The following CPNE4 variants were observed in gnomAD, a reference collection of about 807,000 sequenced individuals.
CPNE4 encodes the protein copine-4.
A neutral mutation model predicts 67.9 loss-of-function variants in CPNE4; 25 were observed. The observed-to-expected ratio is 0.37, with a 90% CI of 0.27 to 0.51. The LOEUF (loss-of-function observed/expected upper bound fraction) is 0.51. CPNE4 is among the 20% of genes least tolerant of loss of function. CPNE4 has a pLI of 0.93. For synonymous variants in CPNE4, 242 were observed against 244.9 expected, an observed-to-expected ratio of 0.99 and a Z score of 0.11; for missense variants, 464 against 690.8, an observed-to-expected ratio of 0.67 and a Z score of 3.68.
intron 9 of CPNE4, among the ~76,000 whole-genome samples, chr3:131,580,235 G>A (rs1040307640): frequency 3.9e-5 from 6 of 152,108 alleles, no homozygotes; most frequent in South Asian, 4.2e-4. Context: ...ATTAAAGTAC[G>A]TACATTTTTA....
intron 1 of CPNE4, among the ~76,000 whole-genome samples, chr3:131,979,718 A>T (rs1309202859): frequency 6.6e-6 from 1 of 151,770 alleles, no homozygotes; most frequent in Non-Finnish European, 1.5e-5. Flanking sequence ...CATTGCATTC[A>T]TCATGCTGTT....
intron 2 of CPNE4, among the ~76,000 whole-genome samples, chr3:131,875,061 A>T (rs755795560): frequency 1.3e-5 from 2 of 152,202 alleles, no homozygotes; most frequent in African/African-American, 2.4e-5. Flanking sequence ...CAAACCAGAG[A>T]TCTGTAGGCT....
intron 2 of CPNE4, among the ~76,000 whole-genome samples, chr3:131,843,027 C>T (rs1452233402): frequency 6.6e-6 from 1 of 152,180 alleles, no homozygotes; most frequent in East Asian, 1.9e-4. Context: ...GCAAGGGTAC[C>T]TTGGGTTGGG....
intron 3 of CPNE4, among the ~76,000 whole-genome samples, chr3:131,700,715 A>T (rs11715785): frequency 0.12 from 18,800 of 152,170 alleles, 1,267 homozygotes; most frequent in African/African-American, 0.16. Context: ...AACTAGAAAT[A>T]CCATTTGACC....
chr3:131,644,479 A>T (rs185526158), intron 7 of CPNE4, among the ~76,000 whole-genome samples: 13 of 152,318 alleles, frequency 8.5e-5, no homozygotes, highest in Admixed American at 2.0e-4. Flanking sequence ...TTCCCATGTG[A>T]TGCTGACACT....
intron 7 of CPNE4, among the ~76,000 whole-genome samples, chr3:131,626,907 CT>C (rs2079087160): frequency 6.6e-6 from 1 of 152,066 alleles, no homozygotes; most frequent in African/African-American, 2.4e-5. Flanking sequence ...AAAAGTTATG[CT>C]AAATTGCTGG....
At chr3:131,834,607 T>C (rs1383399966) in intron 2 of CPNE4, among the ~76,000 whole-genome samples, 1 of 152,000 alleles carries the variant, frequency 6.6e-6, no homozygotes, top group Non-Finnish European at 1.5e-5. Context: ...ACCACAACTT[T>C]TCACAAAAAA....
intron 1 of CPNE4, among the ~76,000 whole-genome samples, chr3:132,025,910 G>C (rs935232055): frequency 2.0e-5 from 3 of 152,164 alleles, no homozygotes; most frequent in Admixed American, 1.3e-4. Flanking sequence ...CATTTGAGGT[G>C]AGGACTGTGA....
Position 131,907,196 on chromosome 3 carries a change from A to C in CPNE4, c.-1-1752T>G, listed in dbSNP as rs188065880. Among the ~76,000 whole-genome samples the C allele has an allele frequency of 9.5e-4, 145 of 152,248 alleles. 1 individual carries two copies. Among genetic ancestry groups the C allele is most frequent in the Non-Finnish European group, 2.5e-4 (17 of 67,996 alleles). On this transcript the variant is annotated intron_variant, in intron 1 of 15. Coordinates refer to ENST00000429747, the MANE Select transcript of CPNE4 (RefSeq NM_130808.3). Reference sequence around the variant, plus strand: ...GGCCATCAGTGCTCTCCTTCTCTGAAGACGACTGAACGTATAAGATTCTCT... The same window carrying C: ...GGCCATCAGTGCTCTCCTTCTCTGACGACGACTGAACGTATAAGATTCTCT...
chr3:131,893,593 G>A (rs1036293363), intron 2 of CPNE4, among the ~76,000 whole-genome samples: 1 of 151,704 alleles, frequency 6.6e-6, no homozygotes, highest in Non-Finnish European at 1.5e-5. Context: ...CAAGCCTTAA[G>A]CATATAAAGA....
At chr3:131,854,123 A>G (rs999378661) in intron 2 of CPNE4, among the ~76,000 whole-genome samples, 1 of 151,956 alleles carries the variant, frequency 6.6e-6, no homozygotes. Flanking sequence ...CTAAAAACCG[A>G]TAATAGCACA....
intron 2 of CPNE4, among the ~76,000 whole-genome samples, chr3:131,751,099 A>C (rs895405308): frequency 6.6e-6 from 1 of 152,028 alleles, no homozygotes; most frequent in African/African-American, 2.4e-5. Flanking sequence ...TAGTTTTCAG[A>C]AGATTAATTA....
At chr3:131,968,423 C>T (rs2075429171) in intron 1 of CPNE4, among the ~76,000 whole-genome samples, 1 of 152,188 alleles carries the variant, frequency 6.6e-6, no homozygotes, top group Non-Finnish European at 1.5e-5. Flanking sequence ...GAACATGCAA[C>T]CTACAGAATG....
intron 1 of CPNE4, among the ~76,000 whole-genome samples, chr3:131,931,447 A>C (rs2071057940): frequency 6.6e-6 from 1 of 152,150 alleles, no homozygotes; most frequent in Non-Finnish European, 1.5e-5. Context: ...AATTGTCTTA[A>C]TAGTAAGCAT....
intron 1 of CPNE4, among the ~76,000 whole-genome samples, chr3:131,910,739 T>C (rs1169373599): frequency 6.6e-6 from 1 of 152,094 alleles, no homozygotes; most frequent in East Asian, 1.9e-4. Flanking sequence ...CAGTCAACAC[T>C]TGGAAGTCCT....
At chr3:131,926,368 C>T (rs533265670) in intron 1 of CPNE4, among the ~76,000 whole-genome samples, 18 of 151,966 alleles carry the variant, frequency 1.2e-4, no homozygotes, top group South Asian at 4.2e-4. Flanking sequence ...TTACTAGAAC[C>T]GACACACTAA....
chr3:131,714,614 T>A (rs1260047056), intron 3 of CPNE4, among the ~76,000 whole-genome samples: 1 of 152,176 alleles, frequency 6.6e-6, no homozygotes, highest in African/African-American at 2.4e-5. Context: ...ACATGAGGCA[T>A]TGGGGCAGGG....
chr3:131,777,149 G>A (rs16837820), intron 2 of CPNE4, among the ~76,000 whole-genome samples: 1,695 of 152,190 alleles, frequency 0.011, 28 homozygotes, highest in African/African-American at 0.039. Flanking sequence ...TGAAAGGGGC[G>A]TTATCTTATG....
chr3:131,734,046 C>T lies in CPNE4; in HGVS notation c.181-10421G>A, dbSNP rs1480841456. The stretch of plus-strand genomic sequence containing the variant: ...CCCTGAAGCTTGGGATCAGCTTCCT[C>T]GGGTTCCAACTCCCTCTCCTTCACC... On this transcript the variant is annotated intron_variant, in intron 2 of 15. Transcript: ENST00000429747. 4.1e-4 allele frequency among the ~76,000 whole-genome samples: 63 copies of T among 152,124 alleles called. 2 individuals are homozygous for T. Among genetic ancestry groups the T allele is most frequent in the Admixed American group, 4.1e-3 (62 of 15,274 alleles).
Sources: allele counts gnomAD v4.1 joint callset (sites outside exome capture counted in the v4.1 genomes callset), GRCh38; gene constraint gnomAD v4.1.1; transcripts MANE v1.5; gene names NCBI Gene and HGNC (gene_info 2026-07-23, HGNC 2026-07-21).